The following ZNF462 variants were observed in gnomAD, a reference collection of about 807,000 sequenced individuals.
The protein encoded by ZNF462 is zinc finger PBX1-interacting protein.
Under a neutral mutation model 201.9 loss-of-function variants are expected in ZNF462, and 10 were observed. That is an observed-to-expected ratio of 0.05 (90% CI 0.03 to 0.08). The LOEUF is 0.08. Among genes scored for constraint, ZNF462 ranks in the 10% least tolerant of loss-of-function variants. The probability of loss-of-function intolerance (pLI) is 1.00; values close to 1 mark genes in which losing one functional copy is unlikely to be tolerated. For missense variants in ZNF462, 2,523 were observed against 3,168.3 expected (o/e 0.80, Z 4.89); for synonymous variants, 1,227 against 1,193.3 (o/e 1.03, Z -0.58).
chr9:106,876,701 G>A lies in ZNF462; in HGVS notation c.-31+13346G>A, dbSNP rs564242002. ...TTGCAGAGCTATTCCCTGGAGTGTTGTAGGGGAACAATTTTTAATAAACAT... is the reference window on the plus strand; with the variant it reads ...TTGCAGAGCTATTCCCTGGAGTGTTATAGGGGAACAATTTTTAATAAACAT... On this transcript the variant is annotated intron_variant, in intron 1 of 12. Transcript: ENST00000277225. The surrounding 1 kb of genome is among the most constrained non-coding windows in gnomAD (Gnocchi z 4.9). Among the ~76,000 whole-genome samples, 2 of 152,316 alleles carry A rather than the reference G, an allele frequency of 1.3e-5. No homozygotes were observed. Among genetic ancestry groups the A allele is most frequent in the African/African-American group, 4.8e-5 (2 of 41,570 alleles).
At position 106,917,104 on chromosome 9, in the gene ZNF462, G is replaced by A. The variant is rs544041503; in HGVS notation, c.-30-6250G>A. Among the ~76,000 whole-genome samples, 11 of 152,342 alleles carry A rather than the reference G, an allele frequency of 7.2e-5. No homozygotes were observed. Among genetic ancestry groups the A allele is most frequent in the Admixed American group, 1.3e-4 (2 of 15,304 alleles). On this transcript the variant is annotated intron_variant, in intron 1 of 12. Coordinates refer to ENST00000277225, the MANE Select transcript of ZNF462 (RefSeq NM_021224.6). This position sits in a 1 kb window ranked among gnomAD's most constrained non-coding sequence, Gnocchi z 4.5. The stretch of plus-strand genomic sequence containing the variant: ...AAGGAATGCATGAATTCTCCAGAAG[G>A]TATGTAGTATCTCTTTCTGTATGAG...
intron 10 of ZNF462, among the ~76,000 whole-genome samples, chr9:106,988,462 C>T (rs1353608759): frequency 6.6e-6 from 1 of 152,038 alleles, no homozygotes; most frequent in East Asian, 1.9e-4. Flanking sequence ...CAGAGCTGAA[C>T]CATATCAGTG....
rs192361451 is a variant in ZNF462 at position 106,979,807 on chromosome 9, C to T, written c.6833-4379C>T. ...CATAGTGAGCCTTAAAAACTGGCCA[C>T]AGATTTTAGGGATGAAACACAGTTT... On this transcript the variant is annotated intron_variant, in intron 9 of 12. Coordinates refer to ENST00000277225, the MANE Select transcript of ZNF462 (RefSeq NM_021224.6). 1.2e-3 allele frequency among the ~76,000 whole-genome samples: 185 copies of T among 152,272 alleles called. 1 individual carries two copies. The highest frequency in any genetic ancestry group is 9.5e-3 in the South Asian group (46 of 4,822).
At chr9:106,916,624 C>T (rs1263069067) in intron 1 of ZNF462, among the ~76,000 whole-genome samples, 1 of 152,152 alleles carries the variant, frequency 6.6e-6, no homozygotes, top group Non-Finnish European at 1.5e-5. Context: ...AGAAGAGCTG[C>T]AGTTTCCAAG....
chr9:106,925,288 A>G lies in ZNF462; in HGVS notation c.1376A>G (p.Glu459Gly). The change falls in exon 3 of 13, where the codon GAA becomes GGA. Residue 459 changes from glutamate to glycine, a missense_variant. This residue lies in a region of ZNF462 where 13 missense variants were observed against 43.2 expected (regional missense o/e 0.30). Transcript: ENST00000277225. The surrounding 1 kb of genome is among the most constrained non-coding windows in gnomAD (Gnocchi z 7.9). Reference protein sequence around the residue: ...MHRRSISRHIENIHLSGKTAV... With the variant: ...MHRRSISRHIGNIHLSGKTAV... ...CGACGTAGCATCTCTCGTCACATAG[A>G]AAACATCCACTTATCTGGAAAGACA... The G allele has an allele frequency of 6.2e-7, 1 of 1,614,172 alleles. No homozygotes were observed. The highest frequency in any genetic ancestry group is 8.5e-7 in the Non-Finnish European group (1 of 1,180,022).
intron 10 of ZNF462, among the ~76,000 whole-genome samples, chr9:107,002,714 G>A (rs528540551): frequency 6.6e-6 from 1 of 152,168 alleles, no homozygotes; most frequent in Non-Finnish European, 1.5e-5. Context: ...GCTGTGGTCA[G>A]CTTCAAAAAC....
chr9:106,889,644 T>G (rs754430347), intron 1 of ZNF462, among the ~76,000 whole-genome samples: 2 of 152,216 alleles, frequency 1.3e-5, no homozygotes, highest in Non-Finnish European at 2.9e-5. Flanking sequence ...ATTCATTTGT[T>G]CATTCATTTA....
chr9:107,007,484 G>A (rs1302764634), intron 11 of ZNF462, among the ~76,000 whole-genome samples: 1 of 152,180 alleles, frequency 6.6e-6, no homozygotes, highest in Admixed American at 6.5e-5. Context: ...AAGCCCTCAG[G>A]GTGGAGAAGC....
Position 107,011,172 on chromosome 9 carries a change from C to T in ZNF462, c.*142C>T. On this transcript the variant is annotated 3_prime_UTR_variant, in exon 13 of 13. Transcript: ENST00000277225. This position sits in a 1 kb window ranked among gnomAD's most constrained non-coding sequence, Gnocchi z 5.6. Reference sequence around the variant, plus strand: ...AGGACTGAACAATCTATTTTCAAAGCACTGGTACCTGTGTGAGTGAGTATG... The same window carrying T: ...AGGACTGAACAATCTATTTTCAAAGTACTGGTACCTGTGTGAGTGAGTATG... The T allele has an allele frequency of 1.4e-6, 1 of 706,022 alleles. No individual in the cohort carries two copies. The highest frequency in any genetic ancestry group is 2.7e-5 in the East Asian group (1 of 36,996). 43.7% of individuals were successfully genotyped at this position (706,022 alleles called of 1,614,324 possible). A position where few individuals can be genotyped will look rare whatever the true frequency, so the allele number is the denominator to read the frequency against.
chr9:106,897,723 A>G (rs1028876918), intron 1 of ZNF462, among the ~76,000 whole-genome samples: 1 of 152,216 alleles, frequency 6.6e-6, no homozygotes, highest in Non-Finnish European at 1.5e-5. Flanking sequence ...ACAAAGGTAG[A>G]AGTATCCTTA....
At chr9:106,864,098 CTCTCTCTCTCT>C (rs1564062774) in intron 1 of ZNF462, among the ~76,000 whole-genome samples, 15 of 126,314 alleles carry the variant, frequency 1.2e-4, no homozygotes, top group African/African-American at 4.1e-4. Flanking sequence ...CTCTCTCTCT[CTCTCTCTCTCT>C]CCCTCTCCCC....
chr9:106,945,910 C>G (rs543727394), intron 7 of ZNF462, among the ~76,000 whole-genome samples: 1 of 152,334 alleles, frequency 6.6e-6, no homozygotes, highest in South Asian at 2.1e-4. Flanking sequence ...TATCACCACT[C>G]TGAACTCAAA....
chr9:106,907,365 T>G (rs1251783468), intron 1 of ZNF462, among the ~76,000 whole-genome samples: 1 of 152,182 alleles, frequency 6.6e-6, no homozygotes, highest in Non-Finnish European at 1.5e-5. Flanking sequence ...GATTCCTTAA[T>G]GTCACTTAAG....
At chr9:106,956,918 T>C (rs759696596) in intron 7 of ZNF462, among the ~76,000 whole-genome samples, 106 of 152,208 alleles carry the variant, frequency 7.0e-4, no homozygotes, top group Non-Finnish European at 9.4e-4. Flanking sequence ...ATGTCGTGGC[T>C]GATTTGATCT....
Position 106,902,701 on chromosome 9 carries a change from T to C in ZNF462, c.-30-20653T>C, listed in dbSNP as rs1237302157. ...TCCATCTCTCCTAGGTTTTCTAGTT[T>C]ATGTGCATAAAGATGTTCATAGTAA... On this transcript the variant is annotated intron_variant, in intron 1 of 12. Coordinates refer to ENST00000277225, the MANE Select transcript of ZNF462 (RefSeq NM_021224.6). The surrounding 1 kb of genome is among the most constrained non-coding windows in gnomAD (Gnocchi z 4.2). Among the ~76,000 whole-genome samples, 4 of 152,198 alleles carry C rather than the reference T, an allele frequency of 2.6e-5. No individual in the cohort carries two copies.
At chr9:106,866,344 C>T (rs1564064861) in intron 1 of ZNF462, among the ~76,000 whole-genome samples, 1 of 152,110 alleles carries the variant, frequency 6.6e-6, no homozygotes, top group Non-Finnish European at 1.5e-5. Flanking sequence ...TAGCTGGTAG[C>T]ACTGTCACTC....
chr9:106,921,284 A>G (rs971259128), intron 1 of ZNF462, among the ~76,000 whole-genome samples: 1 of 152,238 alleles, frequency 6.6e-6, no homozygotes, highest in Admixed American at 6.5e-5. Flanking sequence ...ATCATGGAAT[A>G]AAAGAACCTT....
chr9:106,863,822 G>T (rs186788414), intron 1 of ZNF462, among the ~76,000 whole-genome samples: 3 of 152,038 alleles, frequency 2.0e-5, no homozygotes, highest in Admixed American at 1.3e-4. Context: ...AGGGACAGAG[G>T]GGGGCGGAGG....
Position 107,009,281 on chromosome 9 carries a change from G to C in ZNF462, c.7190-264G>C. 1 of 437,146 alleles carries C rather than the reference G, an allele frequency of 2.3e-6. No homozygotes were observed. The highest frequency in any genetic ancestry group is 4.1e-6 in the Non-Finnish European group (1 of 245,056). 27.1% of individuals were successfully genotyped at this position (437,146 alleles called of 1,614,324 possible). A position where few individuals can be genotyped will look rare whatever the true frequency, so the allele number is the denominator to read the frequency against. Reference sequence around the variant, plus strand: ...CTCGGGCAAGCGGCTCTTCAGTCAAGAAAGACCCAGATTTTGTGATAGAAG... The same window carrying C: ...CTCGGGCAAGCGGCTCTTCAGTCAACAAAGACCCAGATTTTGTGATAGAAG... On this transcript the variant is annotated intron_variant, in intron 11 of 12. Transcript: ENST00000277225. This position sits in a 1 kb window ranked among gnomAD's most constrained non-coding sequence, Gnocchi z 6.1.
Sources: allele counts gnomAD v4.1 joint callset (sites outside exome capture counted in the v4.1 genomes callset), GRCh38; gene constraint gnomAD v4.1.1; regional missense constraint gnomAD v4.1.1; non-coding constraint Gnocchi (gnomAD v3.1); transcripts MANE v1.5; gene names NCBI Gene and HGNC (gene_info 2026-07-23, HGNC 2026-07-21).